Variants in NLGN1 observed in about 807,000 individuals in gnomAD.
The protein encoded by NLGN1 is neuroligin-1.
In NLGN1, 12 loss-of-function variants were observed where a neutral mutation model predicts 65.5. The ratio of observed to expected loss-of-function variants is 0.18; its 90% CI spans 0.12 to 0.30. The LOEUF (loss-of-function observed/expected upper bound fraction) is 0.30. NLGN1 is among the 10% of genes least tolerant of loss of function. The probability of loss-of-function intolerance (pLI) is 1.00; values close to 1 mark genes in which losing one functional copy is unlikely to be tolerated. For synonymous variants in NLGN1, 350 were observed against 359.5 expected (o/e 0.97, Z 0.30); for missense variants, 750 against 1,007.1 (o/e 0.74, Z 3.46).
At chr3:173,432,600 A>T (rs971419846) in intron 1 of NLGN1, among the ~76,000 whole-genome samples, 1 of 152,088 alleles carries the variant, frequency 6.6e-6, no homozygotes, top group Non-Finnish European at 1.5e-5. Context: ...TTGAGTTTTA[A>T]GAGTTCCTTG....
intron 4 of NLGN1, among the ~76,000 whole-genome samples, chr3:173,945,525 T>C (rs1746983450): frequency 6.6e-6 from 1 of 152,148 alleles, no homozygotes; most frequent in Admixed American, 6.5e-5. Flanking sequence ...GAGTTTTAGC[T>C]ATGATTTTTG....
intron 4 of NLGN1, among the ~76,000 whole-genome samples, chr3:174,110,016 A>G (rs1446820823): frequency 6.6e-6 from 1 of 151,982 alleles, no homozygotes; most frequent in Non-Finnish European, 1.5e-5. Context: ...ATTGTGTAGA[A>G]TGTTCCACAC....
chr3:174,086,772 T>G (rs1743487471), intron 4 of NLGN1, among the ~76,000 whole-genome samples: 1 of 152,096 alleles, frequency 6.6e-6, no homozygotes, highest in South Asian at 2.1e-4. Context: ...TAAAATAATA[T>G]GTAACATTTA....
At chr3:173,996,478 A>G (rs1236148891) in intron 4 of NLGN1, among the ~76,000 whole-genome samples, 1 of 152,162 alleles carries the variant, frequency 6.6e-6, no homozygotes, top group African/African-American at 2.4e-5. Flanking sequence ...GTCCTGGACC[A>G]CAATTTGAGA....
chr3:173,904,833 G>T (rs1386122247), intron 4 of NLGN1, among the ~76,000 whole-genome samples: 1 of 152,116 alleles, frequency 6.6e-6, no homozygotes, highest in Admixed American at 6.6e-5. Flanking sequence ...ACAAGAACAA[G>T]TTATTTTCAG....
intron 3 of NLGN1, among the ~76,000 whole-genome samples, chr3:173,667,371 TA>T (rs1253788207): frequency 2.6e-5 from 4 of 152,018 alleles, no homozygotes; most frequent in African/African-American, 7.3e-5. Context: ...AAACATTTTT[TA>T]AAAAAACTAA....
At chr3:174,255,508 G>A (rs1055161949) in intron 4 of NLGN1, among the ~76,000 whole-genome samples, 11 of 150,444 alleles carry the variant, frequency 7.3e-5, no homozygotes, top group African/African-American at 1.2e-4. Flanking sequence ...GTGAATGAGA[G>A]TGACAGTGAT....
At chr3:173,708,077 A>G (rs1768327797) in intron 3 of NLGN1, among the ~76,000 whole-genome samples, 1 of 152,228 alleles carries the variant, frequency 6.6e-6, no homozygotes, top group Non-Finnish European at 1.5e-5. Flanking sequence ...TATAAAAATT[A>G]TATTTTGATC....
chr3:173,770,840 A>G (rs1478125127), intron 3 of NLGN1, among the ~76,000 whole-genome samples: 1 of 150,686 alleles, frequency 6.6e-6, no homozygotes, highest in Non-Finnish European at 1.5e-5. Context: ...CAATAGAATG[A>G]AAAAAAAAAT....
In NLGN1 at chr3:173,432,429, G is replaced by A. The variant is rs6765229; in HGVS notation, c.-389-2581G>A. On this transcript the variant is annotated intron_variant, in intron 1 of 6. Transcript: ENST00000457714. Reference sequence around the variant, plus strand: ...CTGGATTTTGCCCTTTCTAATAGCCGTGTAGAAGTACCTCGTTAGTGTTTT... The same window carrying A: ...CTGGATTTTGCCCTTTCTAATAGCCATGTAGAAGTACCTCGTTAGTGTTTT... 5.2e-3 allele frequency among the ~76,000 whole-genome samples: 793 copies of A among 152,284 alleles called. 8 individuals carry two copies. Among genetic ancestry groups the A allele is most frequent in the African/African-American group, 0.018 (749 of 41,566 alleles).
chr3:174,076,316 A>G lies in NLGN1; in HGVS notation c.647-198999A>G, dbSNP rs186838791. Reference sequence around the variant, plus strand: ...TTTATATATATTTATTTATTTAACAAAGTCTGTAAGAATTAGACTCAGTTT... The same window carrying G: ...TTTATATATATTTATTTATTTAACAGAGTCTGTAAGAATTAGACTCAGTTT... On this transcript the variant is annotated intron_variant, in intron 4 of 6. Transcript: ENST00000457714. 2.9e-3 allele frequency among the ~76,000 whole-genome samples: 439 copies of G among 152,268 alleles called. 3 individuals carry two copies. The highest frequency in any genetic ancestry group is 0.01 in the African/African-American group (418 of 41,554).
intron 4 of NLGN1, among the ~76,000 whole-genome samples, chr3:174,132,556 C>T (rs1720410315): frequency 6.6e-6 from 1 of 152,056 alleles, no homozygotes; most frequent in Non-Finnish European, 1.5e-5. Flanking sequence ...TCCTGTAAAG[C>T]TTCTGAAACC....
At chr3:174,088,668 G>A (rs1268178591) in intron 4 of NLGN1, among the ~76,000 whole-genome samples, 1 of 151,566 alleles carries the variant, frequency 6.6e-6, no homozygotes. Flanking sequence ...CAGGAGAATG[G>A]TGTGAACTCG....
chr3:173,654,984 CT>C (rs1464775863), intron 3 of NLGN1, among the ~76,000 whole-genome samples: 5 of 152,160 alleles, frequency 3.3e-5, no homozygotes, highest in Admixed American at 1.3e-4. Flanking sequence ...CAGATCTCAG[CT>C]CTTCCATGGT....
intron 4 of NLGN1, among the ~76,000 whole-genome samples, chr3:174,046,762 G>A (rs1285525435): frequency 6.6e-6 from 1 of 152,008 alleles, no homozygotes; most frequent in East Asian, 1.9e-4. Context: ...GCTAAGTAAT[G>A]TATATTTGTG....
chr3:173,729,280 T>C (rs1398086322), intron 3 of NLGN1, among the ~76,000 whole-genome samples: 1 of 152,020 alleles, frequency 6.6e-6, no homozygotes. Flanking sequence ...AACAAAACAC[T>C]TTTTGTTGAG....
chr3:173,473,150 A>T (rs777109551), intron 2 of NLGN1, among the ~76,000 whole-genome samples: 1 of 152,196 alleles, frequency 6.6e-6, no homozygotes, highest in Non-Finnish European at 1.5e-5. Flanking sequence ...ACATAAGTCC[A>T]TTATTGCTTT....
In NLGN1 at chr3:174,280,656, T is replaced by C. The variant is rs753994444; in HGVS notation, c.1825T>C (p.Leu609=). Residue 609 remains leucine, a synonymous_variant, in exon 7 of 7, where the codon TTG becomes CTG. Coordinates refer to ENST00000457714, the Ensembl canonical transcript of NLGN1. The surrounding 1 kb of genome is among the most constrained non-coding windows in gnomAD (Gnocchi z 4.9). ...CAATAAGGTGAACCTCTGGTTGGAG[T>C]TGGTACCTCATCTGCATAATCTCAA... The C allele has an allele frequency of 2.5e-6, 4 of 1,613,184 alleles. No homozygotes were observed. The highest frequency in any genetic ancestry group is 2.5e-6 in the Non-Finnish European group (3 of 1,179,496).
At chr3:173,807,354 A>G (rs765929988) in intron 3 of NLGN1, among the ~76,000 whole-genome samples, 8 of 152,168 alleles carry the variant, frequency 5.3e-5, no homozygotes, top group Non-Finnish European at 1.0e-4. Context: ...CCTAAGAATC[A>G]TTGCCATTCT....
Sources: gnomAD v4.1 joint callset for allele counts (sites outside exome capture counted in the v4.1 genomes callset) on GRCh38, gnomAD v4.1.1 for gene constraint, Gnocchi (gnomAD v3.1) non-coding constraint, MANE v1.5 for transcripts, NCBI Gene and HGNC (gene_info 2026-07-23, HGNC 2026-07-21) for gene names.